Variants in HMGCLL1 observed in about 807,000 individuals in gnomAD.
The protein encoded by HMGCLL1 is 3-hydroxy-3-methylglutaryl-CoA lyase like 1.
Under a neutral mutation model 39.1 loss-of-function variants are expected in HMGCLL1, and 36 were observed. That is an observed-to-expected ratio of 0.92 (90% CI 0.71 to 1.22). The LOEUF (loss-of-function observed/expected upper bound fraction) is 1.22, where lower values mean the gene tolerates loss of function less well. Among genes scored for constraint, HMGCLL1 ranks in the 50% most tolerant of loss-of-function variants. HMGCLL1 has a pLI of 0.00. For synonymous variants in HMGCLL1, 149 were observed against 144.0 expected (o/e 1.03, Z -0.25); for missense variants, 451 against 416.5 (o/e 1.08, Z -0.72).
the HMGCLL1 span, among the ~76,000 whole-genome samples, chr6:55,652,467 G>A: frequency 6.6e-6 from 1 of 151,826 alleles, no homozygotes; most frequent in Non-Finnish European, 1.5e-5. Context: ...TCATTTTAAG[G>A]AAAAAAATAA....
At position 55,497,783 on chromosome 6, in the gene HMGCLL1, G is replaced by A. The variant is rs374733500; in HGVS notation, c.606+1453C>T. On this transcript the variant is annotated intron_variant, in intron 6 of 8. Coordinates refer to ENST00000274901, the MANE Select transcript of HMGCLL1 (RefSeq NM_001042406.2). ...GGAAGGACCTGAGAAGAATGTTCTA[G>A]GAAGAATATCAGATGCAAATGTTAA... Among the ~76,000 whole-genome samples the A allele has an allele frequency of 5.3e-5, 8 of 152,258 alleles. No homozygotes were observed. In the East Asian group the frequency reaches 7.7e-4, roughly 15 times the overall value.
At chr6:55,546,064 G>T (rs968967736) in intron 1 of HMGCLL1, among the ~76,000 whole-genome samples, 1 of 152,028 alleles carries the variant, frequency 6.6e-6, no homozygotes, top group African/African-American at 2.4e-5. Context: ...ATGGCTGTTT[G>T]CTAGAAAAAC....
chr6:55,498,494 G>A (rs1341691058), intron 6 of HMGCLL1, among the ~76,000 whole-genome samples: 3 of 151,906 alleles, frequency 2.0e-5, no homozygotes, highest in African/African-American at 7.3e-5. Flanking sequence ...GCCTAAATTT[G>A]GATTTTCTTA....
the HMGCLL1 span, among the ~76,000 whole-genome samples, chr6:55,675,197 A>G: frequency 6.6e-6 from 1 of 152,086 alleles, no homozygotes; most frequent in African/African-American, 2.4e-5. Flanking sequence ...TGTGCTGAAA[A>G]TCCTATTCAC....
At chr6:55,558,609 C>T (rs549130841) in intron 1 of HMGCLL1, among the ~76,000 whole-genome samples, 2 of 152,244 alleles carry the variant, frequency 1.3e-5, no homozygotes, top group East Asian at 3.9e-4. Flanking sequence ...ATCTCATAGT[C>T]CTTCCATGTG....
At chr6:55,506,167 C>A (rs563531726) in intron 5 of HMGCLL1, among the ~76,000 whole-genome samples, 1 of 151,832 alleles carries the variant, frequency 6.6e-6, no homozygotes, top group African/African-American at 2.4e-5. Flanking sequence ...TAACTACAAG[C>A]TCAGACCCGG....
chr6:55,560,184 C>A (rs554644666), intron 1 of HMGCLL1, among the ~76,000 whole-genome samples: 1 of 152,252 alleles, frequency 6.6e-6, no homozygotes, highest in South Asian at 2.1e-4. Context: ...ACTTCTAAAG[C>A]AAAATCACTC....
the HMGCLL1 span, among the ~76,000 whole-genome samples, chr6:55,614,418 G>A: frequency 1.3e-5 from 2 of 152,084 alleles, no homozygotes; most frequent in East Asian, 1.9e-4. Flanking sequence ...GAATCTTCCA[G>A]CATCTTAATC....
At chr6:55,546,073 A>G (rs780792008) in intron 1 of HMGCLL1, among the ~76,000 whole-genome samples, 5 of 152,092 alleles carry the variant, frequency 3.3e-5, no homozygotes, top group Non-Finnish European at 7.4e-5. Context: ...TGCTAGAAAA[A>G]CATTCTTGAA....
intron 7 of HMGCLL1, among the ~76,000 whole-genome samples, chr6:55,477,016 T>G (rs1765325517): frequency 7.6e-6 from 1 of 132,008 alleles, no homozygotes; most frequent in Non-Finnish European, 1.6e-5. Flanking sequence ...CAAAAATCCT[T>G]TGGGTATATA....
In HMGCLL1 at chr6:55,439,431, T is replaced by C. The variant is rs1382924111; in HGVS notation, c.921+3A>G. 1 of 1,608,350 alleles carries C rather than the reference T, an allele frequency of 6.2e-7. No homozygotes were observed. Among genetic ancestry groups the C allele is most frequent in the Non-Finnish European group, 8.5e-7 (1 of 1,176,356 alleles). On this transcript the variant is annotated splice_donor_region_variant and intron_variant, in intron 8 of 8. Transcript: ENST00000274901. ...AATATTAAAATACGTTAAAGTAACT[T>C]ACTGTATTGAGCCCCAGGCCATTAA...
chr6:55,660,417 T>C, the HMGCLL1 span, among the ~76,000 whole-genome samples: 53 of 151,744 alleles, frequency 3.5e-4, no homozygotes, highest in Non-Finnish European at 6.6e-4. Flanking sequence ...CCCTCTTTGT[T>C]TCTGTGTGTT....
chr6:55,650,952 GCCC>G, the HMGCLL1 span, among the ~76,000 whole-genome samples: 1 of 152,042 alleles, frequency 6.6e-6, no homozygotes, highest in Admixed American at 6.6e-5. Flanking sequence ...CTCCCAACTG[GCCC>G]AGGGTAGGCC....
chr6:55,580,406 CTTTTTTTTTT>C (rs145371462), upstream of HMGCLL1, among the ~76,000 whole-genome samples: 564 of 73,274 alleles, frequency 7.7e-3, 3 homozygotes, highest in African/African-American at 0.031. Context: ...TTTTTTCTTT[CTTTTTTTTTT>C]TTTTTTTTTT....
At chr6:55,534,748 A>G (rs1192818702) in intron 3 of HMGCLL1, among the ~76,000 whole-genome samples, 1 of 152,322 alleles carries the variant, frequency 6.6e-6, no homozygotes, top group East Asian at 1.9e-4. Context: ...CACAAATACC[A>G]TAAGCAAAAA....
rs1443816133 is a variant in HMGCLL1 at position 55,468,666 on chromosome 6, T to G, written c.795+26753A>C. The stretch of plus-strand genomic sequence containing the variant: ...GCTCACAAGTACAAACTTTTGAAAT[T>G]CAAAATTTACAGATAAGGGAACAAT... On this transcript the variant is annotated intron_variant, in intron 7 of 8. Coordinates refer to ENST00000274901, the MANE Select transcript of HMGCLL1 (RefSeq NM_001042406.2). Among the ~76,000 whole-genome samples, 7 of 152,060 alleles carry G rather than the reference T, an allele frequency of 4.6e-5. No individual in the cohort carries two copies. In the East Asian group the frequency reaches 1.4e-3, roughly 29 times the overall value.
chr6:55,451,650 C>T (rs979274441), intron 7 of HMGCLL1, among the ~76,000 whole-genome samples: 1 of 152,098 alleles, frequency 6.6e-6, no homozygotes, highest in South Asian at 2.1e-4. Flanking sequence ...AGAACTTAGG[C>T]CTTTCTGTTC....
chr6:55,492,727 C>T (rs563418475), intron 7 of HMGCLL1, among the ~76,000 whole-genome samples: 10 of 152,202 alleles, frequency 6.6e-5, no homozygotes, highest in Non-Finnish European at 1.5e-4. Flanking sequence ...CTTTTACTCT[C>T]TTATCCATGT....
intron 7 of HMGCLL1, among the ~76,000 whole-genome samples, chr6:55,473,706 T>C (rs2127405348): frequency 6.6e-6 from 1 of 151,680 alleles, no homozygotes; most frequent in Admixed American, 6.6e-5. Flanking sequence ...TTATTTTTCT[T>C]TGTGTAGAAC....
Sources: gnomAD v4.1 joint callset for allele counts (sites outside exome capture counted in the v4.1 genomes callset) on GRCh38, gnomAD v4.1.1 for gene constraint, MANE v1.5 for transcripts, NCBI Gene and HGNC (gene_info 2026-07-23, HGNC 2026-07-21) for gene names.